Variants in SPTBN4 observed in about 807,000 individuals in gnomAD.
The protein encoded by SPTBN4 is spectrin beta, non-erythrocytic 4, also known as spectrin beta chain, non-erythrocytic 4.
A neutral mutation model predicts 277.8 loss-of-function variants in SPTBN4; 96 were observed. The ratio of observed to expected loss-of-function variants is 0.35; its 90% confidence interval spans 0.29 to 0.41. SPTBN4 has a LOEUF of 0.41. Among genes scored for constraint, SPTBN4 ranks in the 10% least tolerant of loss-of-function variants. The pLI is 1.00. For missense variants in SPTBN4, 3,006 were observed against 3,595.7 expected, an observed-to-expected ratio of 0.84 and a Z score of 4.19; for synonymous variants, 1,481 against 1,580.3, an observed-to-expected ratio of 0.94 and a Z score of 1.49.
Position 40,575,762 on chromosome 19 carries a change from C to A in SPTBN4, c.*193C>A. 3.2e-6 allele frequency: 2 copies of A among 622,444 alleles called. No individual in the cohort carries two copies. The highest frequency in any genetic ancestry group is 2.5e-6 in the Non-Finnish European group (1 of 393,650). 38.6% of individuals were successfully genotyped at this position (622,444 alleles called of 1,614,324 possible). On this transcript the variant is annotated 3_prime_UTR_variant, in exon 36 of 36. Coordinates refer to ENST00000598249, the MANE Select transcript of SPTBN4 (RefSeq NM_020971.3). ...GTGGGGAGATTGCTGCCCCTATAGC[C>A]ATATCTCGGCCCCTTCCCACTCACC... is the stretch of plus-strand genomic sequence containing the variant.
At chr19:40,528,954 C>T (rs1021298306) in intron 17 of SPTBN4, 87 bp from the exon 18 acceptor site, 3 of 993,120 alleles carry the variant, frequency 3.0e-6, no homozygotes, top group Admixed American at 3.5e-5. Context: ...TCTTCCCCTA[C>T]CCAGCCCAGT....
At chr19:40,563,177 A>T (rs933328251) in intron 27 of SPTBN4, among the ~76,000 whole-genome samples, 5 of 151,908 alleles carry the variant, frequency 3.3e-5, no homozygotes, top group African/African-American at 1.2e-4. Flanking sequence ...ATGCCATTTC[A>T]CTCCAGCCTG....
intron 14 of SPTBN4, 29 bp downstream of exon 14, chr19:40,513,583 T>A (rs1568795600): frequency 6.7e-7 from 1 of 1,501,508 alleles, no homozygotes; most frequent in South Asian, 1.2e-5. Context: ...GACTCCGGGG[T>A]CCCCTTCCTC....
chr19:40,569,952 A>ACG (rs1286517071), intron 32 of SPTBN4, among the ~76,000 whole-genome samples: 1 of 148,006 alleles, frequency 6.8e-6, no homozygotes, highest in Non-Finnish European at 1.5e-5. Flanking sequence ...ACACACACAC[A>ACG]CACACACACA....
At chr19:40,492,028 AAC>A (rs1318229851) in intron 4 of SPTBN4, among the ~76,000 whole-genome samples, 1 of 142,398 alleles carries the variant, frequency 7.0e-6, no homozygotes, top group African/African-American at 2.9e-5. Flanking sequence ...ATCTAAAAAA[AAC>A]AAAAACAAAA....
Position 40,549,419 on chromosome 19 carries a change from GCCAGCGCA to G in SPTBN4, c.4584+7_4584+14del. 1.3e-6 allele frequency: 1 copy of G among 794,328 alleles called. No homozygotes were observed. 49.2% of individuals were successfully genotyped at this position (794,328 alleles called of 1,614,324 possible). ...ACGACCTGGACGACGAGCTGGTGAG[GCCAGCGCA>G]GGGGCCTGGGGCGGGGCGGGGCGGG... On this transcript the variant is annotated splice_region_variant and intron_variant, in intron 21 of 35. Coordinates refer to ENST00000598249, the MANE Select transcript of SPTBN4 (RefSeq NM_020971.3).
At position 40,560,713 on chromosome 19, in the gene SPTBN4, C is replaced by G; in HGVS notation, c.5915+310C>G. On this transcript the variant is annotated intron_variant, in intron 27 of 35. Transcript: ENST00000598249. This position sits in a 1 kb window ranked among gnomAD's most constrained non-coding sequence, Gnocchi z 5.2. ...CAGGATGGGCAAGGGAGGTGTGGGA[C>G]TGTATTTGTGAGGGTGGGTGAAGAA... is the stretch of plus-strand genomic sequence containing the variant. 1 of 1,396,042 alleles carries G rather than the reference C, an allele frequency of 7.2e-7. No individual in the cohort carries two copies. Among genetic ancestry groups the G allele is most frequent in the Non-Finnish European group, 9.3e-7 (1 of 1,077,964 alleles). The allele number at this position is 1,396,042 out of a possible 1,614,324, so 86.5% of individuals were successfully genotyped here. A position where few individuals can be genotyped will look rare whatever the true frequency, so the allele number is the denominator to read the frequency against.
At position 40,512,981 on chromosome 19, in the gene SPTBN4, C is replaced by A; in HGVS notation, c.2192C>A (p.Ala731Asp). Residue 731 changes from alanine to aspartate, a missense_variant, in exon 14 of 36, where the codon GCC becomes GAC. Physicochemically the swap from Ala to Asp is moderately radical, Grantham distance 126. This residue lies in a region of SPTBN4 where 1,759 missense variants were observed against 2,061.5 expected (regional missense o/e 0.85). Coordinates refer to ENST00000598249, the MANE Select transcript of SPTBN4 (RefSeq NM_020971.3). ...CGEELVAAGG[A>D]VGPGADTVHL... The stretch of plus-strand genomic sequence containing the variant: ...GAGGAGCTGGTTGCGGCCGGCGGTG[C>A]CGTCGGCCCGGGAGCAGACACCGTG... 7.1e-7 allele frequency: 1 copy of A among 1,412,904 alleles called. No individual in the cohort carries two copies. Among genetic ancestry groups the A allele is most frequent in the South Asian group, 1.5e-5 (1 of 67,642 alleles). The allele number at this position is 1,412,904 out of a possible 1,614,324, so 87.5% of individuals were successfully genotyped here. A position where few individuals can be genotyped will look rare whatever the true frequency, so the allele number is the denominator to read the frequency against.
rs370815584 is a variant in SPTBN4 at position 40,502,087 on chromosome 19, C to T, written c.898-41C>T. The T allele has an allele frequency of 9.9e-6, 16 of 1,613,140 alleles. No homozygotes were observed. Among genetic ancestry groups the T allele is most frequent in the Middle Eastern group, 1.6e-4 (1 of 6,082 alleles). Reference sequence around the variant, plus strand: ...GGAAGCTGGAAGCTGGTGGCAGGCACGGGTGGGATGAGGCTGACCCCCCTT... The same window carrying T: ...GGAAGCTGGAAGCTGGTGGCAGGCATGGGTGGGATGAGGCTGACCCCCCTT... On this transcript the variant is annotated intron_variant, in intron 8 of 35. Coordinates refer to ENST00000598249, the MANE Select transcript of SPTBN4 (RefSeq NM_020971.3). This position sits in a 1 kb window ranked among gnomAD's most constrained non-coding sequence, Gnocchi z 4.9.
rs1397029527 is a variant in SPTBN4 at position 40,493,122 on chromosome 19, C to G, written c.587+68C>G. 6.8e-6 allele frequency: 10 copies of G among 1,464,938 alleles called. No individual in the cohort carries two copies. In the African/African-American group the frequency reaches 8.3e-5, roughly 12 times the overall value. The allele number at this position is 1,464,938 out of a possible 1,614,324, so 90.7% of individuals were successfully genotyped here. On this transcript the variant is annotated intron_variant, in intron 5 of 35. Coordinates refer to ENST00000598249, the MANE Select transcript of SPTBN4 (RefSeq NM_020971.3). ...TCCCCTAACCTCTGCAATTCCTTCC[C>G]AGACAAGAGCTCAAGGGGCAGCCCA... is the stretch of plus-strand genomic sequence containing the variant.
chr19:40,556,947 G>C, intron 25 of SPTBN4, 76 bp from the exon 26 acceptor site: 1 of 1,474,856 alleles, frequency 6.8e-7, no homozygotes, highest in Non-Finnish European at 9.0e-7. Context: ...AAAAAACATT[G>C]TAGGCTGGAG....
At chr19:40,534,605 A>G (rs1568819383) in intron 20 of SPTBN4, 2 of 481,688 alleles carry the variant, frequency 4.2e-6, no homozygotes, top group South Asian at 5.1e-5. Flanking sequence ...CTAGCATGCT[A>G]AAGGTTTCAC....
rs763887071 is a variant in SPTBN4 at position 40,568,232 on chromosome 19, G to T, written c.6906G>T (p.Arg2302=). 10 of 1,602,308 alleles carry T rather than the reference G, an allele frequency of 6.2e-6. No homozygotes were observed. Among genetic ancestry groups the T allele is most frequent in the East Asian group, 2.3e-5 (1 of 44,166 alleles). ...RRERRERRLE[R]QESSEQEMPI... is the part of the protein sequence containing the mutation. Reference sequence around the variant, plus strand: ...AGCGGCGTGAGCGGCGCTTGGAGCGGCAGGAGTCCAGCGAACAGGAGATGC... The same window carrying T: ...AGCGGCGTGAGCGGCGCTTGGAGCGTCAGGAGTCCAGCGAACAGGAGATGC... Residue 2302 remains arginine, a synonymous_variant, in exon 31 of 36, where the codon CGG becomes CGT. Transcript: ENST00000598249.
At chr19:40,503,697 T>G (rs2080289334) in intron 11 of SPTBN4, 133 bp from the exon 12 acceptor site, 2 of 971,892 alleles carry the variant, frequency 2.1e-6, no homozygotes. Context: ...ATGAGGCTGG[T>G]CTCCAGGATA....
At chr19:40,497,878 A>G (rs1283864836) in intron 7 of SPTBN4, among the ~76,000 whole-genome samples, 2 of 148,414 alleles carry the variant, frequency 1.3e-5, no homozygotes, top group Admixed American at 6.8e-5. Context: ...CCCATTCTCA[A>G]TTTCCACCCA....
At chr19:40,476,359 A>AG (rs2079948057) in intron 2 of SPTBN4, among the ~76,000 whole-genome samples, 1 of 151,720 alleles carries the variant, frequency 6.6e-6, no homozygotes, top group African/African-American at 2.4e-5. Context: ...AAAAAAAAAA[A>AG]AAAAGAGAGA....
rs767055063 is a variant in SPTBN4, at chr19:40,519,377, A to C, written c.2904-24A>C. 1 of 1,502,882 alleles carries C rather than the reference A, an allele frequency of 6.7e-7. No individual in the cohort carries two copies. Among genetic ancestry groups the C allele is most frequent in the East Asian group, 2.6e-5 (1 of 38,432 alleles). The allele number at this position is 1,502,882 out of a possible 1,614,324, so 93.1% of individuals were successfully genotyped here. Reference sequence around the variant, plus strand: ...CCAAGAGGAGTCCCTGTCCTCCTCAAGTCACTCTCTTTCCCCTGGGCAGGT... The same window carrying C: ...CCAAGAGGAGTCCCTGTCCTCCTCACGTCACTCTCTTTCCCCTGGGCAGGT... On this transcript the variant is annotated intron_variant, in intron 15 of 35. Coordinates refer to ENST00000598249, the MANE Select transcript of SPTBN4 (RefSeq NM_020971.3). The surrounding 1 kb of genome is among the most constrained non-coding windows in gnomAD (Gnocchi z 5.7).
chr19:40,488,470 A>G (rs1160640749), intron 3 of SPTBN4, among the ~76,000 whole-genome samples: 2 of 152,082 alleles, frequency 1.3e-5, no homozygotes, highest in African/African-American at 4.8e-5. Flanking sequence ...CTGGATCTCA[A>G]GGAATTGTGA....
At chr19:40,541,678 C>T (rs1304231687) in intron 20 of SPTBN4, among the ~76,000 whole-genome samples, 2 of 152,116 alleles carry the variant, frequency 1.3e-5, no homozygotes, top group Non-Finnish European at 2.9e-5. Context: ...GTCCTCCCGT[C>T]GCCATCTCTG....
Sources: gnomAD v4.1 joint callset for allele counts (sites outside exome capture counted in the v4.1 genomes callset) on GRCh38, gnomAD v4.1.1 for gene constraint, gnomAD v4.1.1 regional missense constraint, Gnocchi (gnomAD v3.1) non-coding constraint, MANE v1.5 for transcripts, NCBI Gene and HGNC (gene_info 2026-07-23, HGNC 2026-07-21) for gene names.